The following ATRNL1 variants were observed in gnomAD, a reference collection of about 807,000 sequenced individuals.
The protein encoded by ATRNL1 is attractin-like protein 1.
A neutral mutation model predicts 182.7 loss-of-function variants in ATRNL1; 95 were observed. The observed-to-expected ratio is 0.52, with a 90% CI of 0.44 to 0.62. The LOEUF (loss-of-function observed/expected upper bound fraction) is 0.62, where lower values mean the gene tolerates loss of function less well. ATRNL1 is among the 20% of genes least tolerant of loss of function. The pLI, the probability that ATRNL1 is intolerant of heterozygous loss-of-function variation, is 0.00. For synonymous variants in ATRNL1, 576 were observed against 568.3 expected, an observed-to-expected ratio of 1.01 and a Z score of -0.19; for missense variants, 1,471 against 1,679.5, an observed-to-expected ratio of 0.88 and a Z score of 2.17.
At chr10:115,213,603 T>TA (rs1849113292) in intron 8 of ATRNL1, among the ~76,000 whole-genome samples, 1 of 152,128 alleles carries the variant, frequency 6.6e-6, no homozygotes. Context: ...GGTTGTCTCT[T>TA]ACACAGTTTC....
At chr10:115,552,588 A>T (rs1484526796) in intron 26 of ATRNL1, among the ~76,000 whole-genome samples, 1 of 151,434 alleles carries the variant, frequency 6.6e-6, no homozygotes, top group African/African-American at 2.4e-5. Flanking sequence ...ATTCAACTAG[A>T]TGTGTTACTT....
chr10:115,488,231 C>T (rs548046890), intron 24 of ATRNL1, among the ~76,000 whole-genome samples: 1 of 152,138 alleles, frequency 6.6e-6, no homozygotes, highest in Non-Finnish European at 1.5e-5. Context: ...TGATGCTGGC[C>T]TCTTAAAATG....
chr10:115,473,813 T>C (rs1201664212), intron 24 of ATRNL1, among the ~76,000 whole-genome samples: 1 of 151,344 alleles, frequency 6.6e-6, no homozygotes, highest in Non-Finnish European at 1.5e-5. Context: ...GATGTATTTT[T>C]CTAGGAATTT....
chr10:115,605,424 A>T (rs1733173558), intron 26 of ATRNL1, among the ~76,000 whole-genome samples: 1 of 152,106 alleles, frequency 6.6e-6, no homozygotes, highest in African/African-American at 2.4e-5. Context: ...TTCTGTAACT[A>T]CAGTTAGCAT....
At chr10:115,661,964 T>C (rs915464781) in intron 26 of ATRNL1, among the ~76,000 whole-genome samples, 3 of 133,142 alleles carry the variant, frequency 2.3e-5, no homozygotes, top group Non-Finnish European at 4.7e-5. Flanking sequence ...GTGTGCGATG[T>C]TCCCCTTCCT....
At chr10:115,779,809 A>G (rs1473963987) in intron 27 of ATRNL1, among the ~76,000 whole-genome samples, 2 of 148,672 alleles carry the variant, frequency 1.3e-5, no homozygotes, top group Admixed American at 1.4e-4. Context: ...GGTACAAAAC[A>G]TATAGAAAAT....
chr10:115,784,330 A>G (rs1949343928), intron 27 of ATRNL1, among the ~76,000 whole-genome samples: 1 of 152,192 alleles, frequency 6.6e-6, no homozygotes, highest in African/African-American at 2.4e-5. Flanking sequence ...TGTGGGGGTA[A>G]TCACATATTA....
At chr10:115,888,946 G>A (rs1952015737) in intron 28 of ATRNL1, among the ~76,000 whole-genome samples, 1 of 152,114 alleles carries the variant, frequency 6.6e-6, no homozygotes, top group Non-Finnish European at 1.5e-5. Flanking sequence ...CTAAATGAAT[G>A]GTGCAGTGGA....
At chr10:115,598,926 TC>T (rs567770125) in intron 26 of ATRNL1, among the ~76,000 whole-genome samples, 237 of 152,322 alleles carry the variant, frequency 1.6e-3, no homozygotes, top group Non-Finnish European at 2.6e-3. Flanking sequence ...GTGAATATTT[TC>T]TGTTATACTT....
At chr10:115,938,853 G>A (rs1290658541) in intron 28 of ATRNL1, among the ~76,000 whole-genome samples, 4 of 152,108 alleles carry the variant, frequency 2.6e-5, no homozygotes, top group African/African-American at 7.2e-5. Context: ...TAGGGGAAGG[G>A]GGAGGGATGG....
intron 5 of ATRNL1, among the ~76,000 whole-genome samples, chr10:115,130,086 C>T (rs1407849479): frequency 6.6e-6 from 1 of 152,036 alleles, no homozygotes. Flanking sequence ...TATCTATCAT[C>T]AAAGATTAAG....
rs1953872463 is a variant in ATRNL1 at position 115,946,171 on chromosome 10, G to T, written c.*1392G>T. On this transcript the variant is annotated 3_prime_UTR_variant, in exon 29 of 29. Transcript: ENST00000355044. ...TGATATAGCTTTGTTAAATATGAAG[G>T]TCCTTTAAATACAATTGATGTTTAG... 1 of 152,104 alleles carries T rather than the reference G, an allele frequency of 6.6e-6. No individual in the cohort carries two copies. Among genetic ancestry groups the T allele is most frequent in the African/African-American group, 2.4e-5 (1 of 41,400 alleles). The allele number at this position is 152,104 out of a possible 1,614,324, so 9.4% of individuals were successfully genotyped here. A position where few individuals can be genotyped will look rare whatever the true frequency, so the allele number is the denominator to read the frequency against.
At chr10:115,654,853 A>G (rs2420098) in intron 26 of ATRNL1, among the ~76,000 whole-genome samples, 70,311 of 152,004 alleles carry the variant, frequency 0.46, 17,945 homozygotes, top group East Asian at 0.84. Context: ...GGCTTTGTCC[A>G]GTTGTGTACA....
intron 26 of ATRNL1, among the ~76,000 whole-genome samples, chr10:115,662,785 A>G (rs10159500): frequency 0.012 from 1,772 of 152,220 alleles, 36 homozygotes; most frequent in African/African-American, 0.04. Context: ...ATTTTCATAT[A>G]TTATAAAAAA....
Position 115,434,199 on chromosome 10 carries a change from T to C in ATRNL1, c.3322+7897T>C, listed in dbSNP as rs146995754. 2.2e-4 allele frequency among the ~76,000 whole-genome samples: 33 copies of C among 152,326 alleles called. No individual in the cohort carries two copies. In the East Asian group the frequency reaches 5.2e-3, roughly 24 times the overall value. ...AATATTATTGTGAATGTTTTTCTTA[T>C]AGATATATAGCTCATTATTAGCATT... On this transcript the variant is annotated intron_variant, in intron 21 of 28. Transcript: ENST00000355044.
chr10:115,369,070 T>C (rs1218502471), intron 19 of ATRNL1, among the ~76,000 whole-genome samples: 3 of 152,178 alleles, frequency 2.0e-5, no homozygotes, highest in African/African-American at 7.2e-5. Context: ...ATTAGTCTTT[T>C]TTTAACCTGG....
chr10:115,595,638 T>G (rs1210014631), intron 26 of ATRNL1, among the ~76,000 whole-genome samples: 1 of 152,182 alleles, frequency 6.6e-6, no homozygotes, highest in African/African-American at 2.4e-5. Flanking sequence ...CTTTTCCTTT[T>G]AAGATCTGAG....
intron 28 of ATRNL1, among the ~76,000 whole-genome samples, chr10:115,931,916 A>G (rs1358972194): frequency 6.6e-6 from 1 of 152,148 alleles, no homozygotes; most frequent in Non-Finnish European, 1.5e-5. Flanking sequence ...TCTGAAAAAT[A>G]CCATGGAGTG....
At position 115,774,120 on chromosome 10, in the gene ATRNL1, G is replaced by A. The variant is rs1949060616; in HGVS notation, c.3903+46765G>A. ...ATAACCAATAATTTCCCCAGCCCCA[G>A]GTGTGGAGTTAGGATGAGTGTGGAT... On this transcript the variant is annotated intron_variant, in intron 27 of 28. Coordinates refer to ENST00000355044, the MANE Select transcript of ATRNL1 (RefSeq NM_207303.4). 2.0e-5 allele frequency among the ~76,000 whole-genome samples: 3 copies of A among 152,076 alleles called. No homozygotes were observed. The South Asian group carries it at 6.2e-4, about 32-fold the overall frequency.
Sources: gnomAD v4.1 joint callset for allele counts (sites outside exome capture counted in the v4.1 genomes callset) on GRCh38, gnomAD v4.1.1 for gene constraint, MANE v1.5 for transcripts, NCBI Gene and HGNC (gene_info 2026-07-23, HGNC 2026-07-21) for gene names.